PDE3B: variants seen among roughly 807,000 people sequenced by gnomAD.
PDE3B encodes cGMP-inhibited 3',5'-cyclic phosphodiesterase 3B.
PDE3B carries 66 observed loss-of-function variants against 116.8 expected under a neutral mutation model. That is an observed-to-expected ratio of 0.56 (90% CI 0.46 to 0.69). PDE3B has a LOEUF of 0.69. Ranked by LOEUF, PDE3B falls within the 30% of genes least tolerant of loss-of-function variation. PDE3B has a pLI of 0.00. For missense variants in PDE3B, 1,384 were observed against 1,368.1 expected (o/e 1.01, Z -0.18); for synonymous variants, 595 against 533.6 (o/e 1.12, Z -1.59).
intron 7 of PDE3B, among the ~76,000 whole-genome samples, chr11:14,821,498 G>A (rs528362898): frequency 6.8e-6 from 1 of 147,660 alleles, no homozygotes; most frequent in African/African-American, 2.7e-5. Flanking sequence ...ATAGTTATTA[G>A]GAGTTCATAT....
At chr11:14,673,581 C>T in intron 1 of PDE3B, 1 of 565,962 alleles carries the variant, frequency 1.8e-6, no homozygotes. Flanking sequence ...GAGAGCGCCT[C>T]TCACATGGCT....
chr11:14,762,004 G>T (rs1200097214), intron 1 of PDE3B, among the ~76,000 whole-genome samples: 1 of 151,988 alleles, frequency 6.6e-6, no homozygotes, highest in African/African-American at 2.4e-5. Context: ...TTAATATGCA[G>T]TTCTAAAATA....
chr11:14,850,763 C>G (rs1196720555), intron 12 of PDE3B, among the ~76,000 whole-genome samples: 1 of 152,092 alleles, frequency 6.6e-6, no homozygotes, highest in Non-Finnish European at 1.5e-5. Context: ...GAGTTCTCAA[C>G]AAATAGATAC....
chr11:14,843,874 A>C lies in PDE3B; in HGVS notation c.2368A>C (p.Lys790Gln). ...NHGRIAYISS[K>Q]SCSNPDESYG... The stretch of plus-strand genomic sequence containing the variant: ...TGGGCGAATTGCTTATATTTCTTCG[A>C]AGAGCTGCTCTAATCCTGATGAGAG... Residue 790 changes from lysine (K) to glutamine (Q), a missense_variant, in exon 12 of 16, where the codon AAG (lysine) becomes CAG (glutamine). Around this residue, in one of 2 missense-constraint regions of PDE3B, gnomAD observed 428 missense variants for 561.4 expected, o/e 0.76. Coordinates refer to ENST00000282096, the MANE Select transcript of PDE3B (RefSeq NM_000922.4). The C allele has an allele frequency of 6.2e-7, 1 of 1,614,192 alleles. No individual in the cohort carries two copies. The highest frequency in any genetic ancestry group is 8.5e-7 in the Non-Finnish European group (1 of 1,180,018).
Position 14,786,338 on chromosome 11 carries a change from CATAT to C in PDE3B, c.1030-87_1030-84del, listed in dbSNP as rs140703300. On this transcript the variant is annotated intron_variant, in intron 2 of 15. Coordinates refer to ENST00000282096, the MANE Select transcript of PDE3B (RefSeq NM_000922.4). ...AATTAAAGTTCACGGTTATTTGCTA[CATAT>C]ATATATATATAAATTTTAAGTTAGA... 1.6e-4 allele frequency: 127 copies of C among 774,576 alleles called. 1 individual carries two copies. The African/African-American group carries it at 2.0e-3, about 12-fold the overall frequency. 48.0% of individuals were successfully genotyped at this position (774,576 alleles called of 1,614,324 possible). A position where few individuals can be genotyped will look rare whatever the true frequency, so the allele number is the denominator to read the frequency against.
chr11:14,644,097 G>C lies in PDE3B; in HGVS notation c.22G>C (p.Ala8Pro), dbSNP rs1778761984. 1.3e-6 allele frequency: 2 copies of C among 1,563,890 alleles called. No individual in the cohort carries two copies. The highest frequency in any genetic ancestry group is 1.2e-5 in the South Asian group (1 of 86,754). The change falls in exon 1 of 16, where the codon GCC (alanine) becomes CCC (proline). Residue 8 changes from alanine to proline, a missense_variant. Around this residue, in one of 2 missense-constraint regions of PDE3B, gnomAD observed 956 missense variants for 806.8 expected, o/e 1.18. Transcript: ENST00000282096. The stretch of plus-strand genomic sequence containing the variant: ...AGCCATGAGGAGGGACGAGCGAGAC[G>C]CCAAAGCCATGCGGTCCCTGCAGCC... MRRDERD[A>P]KAMRSLQPPD...
chr11:14,755,756 T>C (rs1031826314), intron 1 of PDE3B, among the ~76,000 whole-genome samples: 1 of 152,214 alleles, frequency 6.6e-6, no homozygotes, highest in African/African-American at 2.4e-5. Flanking sequence ...TTTATGGAAA[T>C]ATATTTGTAT....
At chr11:14,681,335 C>T (rs1055129929) in intron 1 of PDE3B, among the ~76,000 whole-genome samples, 4 of 152,058 alleles carry the variant, frequency 2.6e-5, no homozygotes, top group Non-Finnish European at 5.9e-5. Flanking sequence ...CCCACAATTC[C>T]CATGTGTCAT....
chr11:14,887,572 G>T, the PDE3B span: 1 of 982,422 alleles, frequency 1.0e-6, no homozygotes, highest in African/African-American at 1.7e-5. Context: ...TGCCAATTAT[G>T]GGCTAATTAT....
intron 1 of PDE3B, among the ~76,000 whole-genome samples, chr11:14,705,363 A>G (rs1024021252): frequency 3.3e-5 from 5 of 151,952 alleles, no homozygotes; most frequent in African/African-American, 1.2e-4. Flanking sequence ...ATTAACAAAA[A>G]CATGACGCTA....
At chr11:14,798,543 T>C (rs1292451096) in intron 4 of PDE3B, among the ~76,000 whole-genome samples, 1 of 152,228 alleles carries the variant, frequency 6.6e-6, no homozygotes, top group African/African-American at 2.4e-5. Context: ...AGAATTCAGC[T>C]GTGAATCTGT....
intron 12 of PDE3B, among the ~76,000 whole-genome samples, chr11:14,847,241 C>T (rs903968242): frequency 2.0e-5 from 3 of 151,870 alleles, no homozygotes; most frequent in Non-Finnish European, 4.4e-5. Flanking sequence ...TGAATGACTA[C>T]TGGGTACATA....
At chr11:14,831,963 T>C (rs570672738) in intron 9 of PDE3B, among the ~76,000 whole-genome samples, 186 bp downstream of exon 9, 1 of 152,264 alleles carries the variant, frequency 6.6e-6, no homozygotes, top group East Asian at 1.9e-4. Context: ...TACTATTATA[T>C]ATATGACAAG....
intron 1 of PDE3B, among the ~76,000 whole-genome samples, chr11:14,677,014 C>T (rs1296894104): frequency 6.6e-6 from 1 of 151,962 alleles, no homozygotes; most frequent in Non-Finnish European, 1.5e-5. Context: ...TTGCTTTTTC[C>T]ATGTAGATAA....
intron 1 of PDE3B, among the ~76,000 whole-genome samples, chr11:14,715,099 A>G (rs1249610935): frequency 6.6e-6 from 1 of 152,184 alleles, no homozygotes; most frequent in African/African-American, 2.4e-5. Context: ...TGATCTATTA[A>G]AGGTACAATT....
At chr11:14,704,526 C>T (rs1483320598) in intron 1 of PDE3B, among the ~76,000 whole-genome samples, 1 of 151,520 alleles carries the variant, frequency 6.6e-6, no homozygotes, top group South Asian at 2.1e-4. Flanking sequence ...ATTTATAGTT[C>T]CTGATTTTGA....
intron 12 of PDE3B, among the ~76,000 whole-genome samples, chr11:14,857,153 T>C (rs1252723250): frequency 1.3e-5 from 2 of 152,146 alleles, no homozygotes; most frequent in Admixed American, 1.3e-4. Context: ...GCCAAAGTAT[T>C]GATGTATTTG....
rs1210593413 is a variant in PDE3B at position 14,843,946 on chromosome 11, C to G, written c.2440C>G (p.Leu814Val). Reference protein sequence around the residue: ...SNIPALELMALYVAAAMHDYD... With the variant: ...SNIPALELMAVYVAAAMHDYD... Reference sequence around the variant, plus strand: ...CATTCCTGCATTAGAATTGATGGCTCTATACGTGGCAGCTGCCATGCATGA... The same window carrying G: ...CATTCCTGCATTAGAATTGATGGCTGTATACGTGGCAGCTGCCATGCATGA... Residue 814 changes from leucine (L) to valine (V), a missense_variant, in exon 12 of 16, where the codon CTA becomes GTA. By Grantham distance (32) the Leu-to-Val change is conservative (BLOSUM62 1). Coordinates refer to ENST00000282096, the MANE Select transcript of PDE3B (RefSeq NM_000922.4). The G allele has an allele frequency of 2.5e-6, 4 of 1,613,926 alleles. No homozygotes were observed. Among genetic ancestry groups the G allele is most frequent in the Admixed American group, 1.7e-5 (1 of 59,994 alleles).
At chr11:14,730,138 C>CT (rs1856418580) in intron 1 of PDE3B, among the ~76,000 whole-genome samples, 1 of 152,218 alleles carries the variant, frequency 6.6e-6, no homozygotes, top group African/African-American at 2.4e-5. Context: ...CCACTGCTAT[C>CT]TAAGAACCTC....
Sources: allele counts gnomAD v4.1 joint callset (sites outside exome capture counted in the v4.1 genomes callset), GRCh38; gene constraint gnomAD v4.1.1; regional missense constraint gnomAD v4.1.1; transcripts MANE v1.5; gene names NCBI Gene and HGNC (gene_info 2026-07-23, HGNC 2026-07-21).